IQCM: variants seen among roughly 807,000 people sequenced by gnomAD.
IQCM encodes the protein IQ domain-containing protein M.
A neutral mutation model predicts 57.6 loss-of-function variants in IQCM; 45 were observed. The observed-to-expected ratio is 0.78, with a 90% confidence interval of 0.62 to 1.00. The LOEUF (loss-of-function observed/expected upper bound fraction) is 1.00. IQCM is among the 50% of genes least tolerant of loss of function. IQCM has a pLI of 0.00. For synonymous variants in IQCM, 148 were observed against 158.9 expected, an observed-to-expected ratio of 0.93 and a Z score of 0.51; for missense variants, 468 against 511.6, an observed-to-expected ratio of 0.91 and a Z score of 0.82.
chr4:149,591,097 C>T (rs775091319), intron 8 of IQCM, among the ~76,000 whole-genome samples: 17 of 152,134 alleles, frequency 1.1e-4, no homozygotes, highest in South Asian at 2.1e-4. Flanking sequence ...TTGAAAACTA[C>T]TTTTCATACT....
chr4:149,470,629 G>T (rs754873613), intron 12 of IQCM, among the ~76,000 whole-genome samples: 41 of 152,104 alleles, frequency 2.7e-4, no homozygotes, highest in Non-Finnish European at 5.0e-4. Context: ...AGACCTAATA[G>T]ACATCCACAA....
intron 7 of IQCM, among the ~76,000 whole-genome samples, chr4:149,630,426 T>C (rs1757164629): frequency 6.6e-6 from 1 of 152,182 alleles, no homozygotes; most frequent in African/African-American, 2.4e-5. Flanking sequence ...AACAGTGAAG[T>C]ATAGGTTTCT....
chr4:149,372,140 T>G (rs1730410396), intron 13 of IQCM, among the ~76,000 whole-genome samples: 1 of 152,200 alleles, frequency 6.6e-6, no homozygotes. Flanking sequence ...AGCTTGAGCT[T>G]TAACCCACAG....
intron 12 of IQCM, among the ~76,000 whole-genome samples, chr4:149,529,019 T>G (rs114409867): frequency 6.6e-6 from 1 of 152,062 alleles, no homozygotes; most frequent in Non-Finnish European, 1.5e-5. Context: ...AGACATAATA[T>G]TTAATGAGCA....
At chr4:149,682,025 C>T (rs1259803750) in intron 7 of IQCM, 93 bp downstream of exon 7, 3 of 454,592 alleles carry the variant, frequency 6.6e-6, no homozygotes, top group Non-Finnish European at 1.1e-5. Context: ...GGAAATAACT[C>T]TGTTCAATAC....
At chr4:149,529,168 A>G (rs1746482207) in intron 12 of IQCM, among the ~76,000 whole-genome samples, 1 of 152,086 alleles carries the variant, frequency 6.6e-6, no homozygotes, top group Non-Finnish European at 1.5e-5. Context: ...GGTTCAAGCA[A>G]TTCTCCCGCT....
intron 6 of IQCM, among the ~76,000 whole-genome samples, chr4:149,685,164 TGC>T (rs1442497137): frequency 6.6e-6 from 1 of 151,514 alleles, no homozygotes; most frequent in African/African-American, 2.4e-5. Flanking sequence ...ATTATTATTC[TGC>T]CATGGCTTAC....
chr4:149,628,837 C>T (rs1399247921), intron 7 of IQCM, among the ~76,000 whole-genome samples: 1 of 151,996 alleles, frequency 6.6e-6, no homozygotes, highest in Non-Finnish European at 1.5e-5. Flanking sequence ...GTGTAAACTC[C>T]AGGTTATTCT....
chr4:149,582,301 T>C (rs1752261206), intron 9 of IQCM, among the ~76,000 whole-genome samples: 1 of 82,788 alleles, frequency 1.2e-5, no homozygotes, highest in African/African-American at 4.1e-5. Flanking sequence ...ATGAAGATGC[T>C]GTAGACATAT....
At chr4:149,506,481 A>G (rs1201584535) in intron 12 of IQCM, among the ~76,000 whole-genome samples, 4 of 152,196 alleles carry the variant, frequency 2.6e-5, no homozygotes, top group Admixed American at 6.5e-5. Flanking sequence ...GTCAAGTGAT[A>G]CTATCATTGT....
At chr4:149,519,563 G>A (rs183438626) in intron 12 of IQCM, among the ~76,000 whole-genome samples, 81 of 151,878 alleles carry the variant, frequency 5.3e-4, no homozygotes, top group Admixed American at 1.6e-3. Flanking sequence ...CCCAGGAGGC[G>A]TGAACCCGAG....
At chr4:149,367,853 T>C (rs1452989368) in intron 13 of IQCM, among the ~76,000 whole-genome samples, 1 of 152,066 alleles carries the variant, frequency 6.6e-6, no homozygotes, top group Non-Finnish European at 1.5e-5. Flanking sequence ...TTGGCCAGTC[T>C]AAAAGCTGTC....
intron 2 of IQCM, among the ~76,000 whole-genome samples, chr4:149,814,005 G>A (rs947899899): frequency 6.6e-6 from 1 of 152,000 alleles, no homozygotes; most frequent in South Asian, 2.1e-4. Context: ...AGGGCTTCAT[G>A]AAGAAAGTAT....
intron 5 of IQCM, among the ~76,000 whole-genome samples, chr4:149,715,161 G>A (rs1016137567): frequency 2.0e-5 from 3 of 152,116 alleles, no homozygotes; most frequent in African/African-American, 7.2e-5. Context: ...TTTTGCTGGG[G>A]CCTGCTGTGC....
At chr4:149,422,206 T>A (rs1274559881) in intron 13 of IQCM, among the ~76,000 whole-genome samples, 1 of 152,022 alleles carries the variant, frequency 6.6e-6, no homozygotes, top group South Asian at 2.1e-4. Context: ...TGAAGTGCTA[T>A]TTCCTACTAC....
intron 12 of IQCM, among the ~76,000 whole-genome samples, chr4:149,547,291 C>A (rs975889576): frequency 1.4e-4 from 21 of 152,118 alleles, no homozygotes; most frequent in Non-Finnish European, 2.9e-4. Flanking sequence ...GTATTATACA[C>A]AATGGACTGG....
chr4:149,371,763 T>C (rs1730384526), intron 13 of IQCM, among the ~76,000 whole-genome samples: 1 of 152,198 alleles, frequency 6.6e-6, no homozygotes, highest in Non-Finnish European at 1.5e-5. Flanking sequence ...GCAGCATTTT[T>C]CTACTTCTCA....
chr4:149,481,705 T>TTTTTTTTTTGTTTTTTG (rs1740863254), intron 12 of IQCM, among the ~76,000 whole-genome samples: 1 of 133,150 alleles, frequency 7.5e-6, no homozygotes, highest in Non-Finnish European at 1.6e-5. Context: ...AGTTTTGTTT[T>TTTTTTTTTTGTTTTTTG]TTTTTTTTTT....
chr4:149,726,997 G>A (rs373257657), intron 5 of IQCM, among the ~76,000 whole-genome samples: 10 of 151,994 alleles, frequency 6.6e-5, no homozygotes, highest in Non-Finnish European at 1.0e-4. Context: ...TGATCTGTCC[G>A]CCTCGGCCTC....
Sources: allele counts gnomAD v4.1 joint callset (sites outside exome capture counted in the v4.1 genomes callset), GRCh38; gene constraint gnomAD v4.1.1; transcripts MANE v1.5; gene names NCBI Gene and HGNC (gene_info 2026-07-23, HGNC 2026-07-21).